The following PLEKHA8 variants were observed in gnomAD, a reference collection of about 807,000 sequenced individuals.
The protein encoded by PLEKHA8 is pleckstrin homology domain containing A8, also known as pleckstrin homology domain-containing family A member 8.
In PLEKHA8, 36 loss-of-function variants were observed where a neutral mutation model predicts 68.2. The observed-to-expected ratio is 0.53, with a 90% CI of 0.40 to 0.70. PLEKHA8 has a LOEUF of 0.70. PLEKHA8 is among the 30% of genes least tolerant of loss of function. The probability of loss-of-function intolerance (pLI) is 0.00; values close to 1 mark genes in which losing one functional copy is unlikely to be tolerated. For missense variants in PLEKHA8, 505 were observed against 615.4 expected (o/e 0.82, Z 1.90); for synonymous variants, 211 against 216.1 (o/e 0.98, Z 0.20).
At chr7:30,071,042 A>C (rs999410607) in intron 12 of PLEKHA8, among the ~76,000 whole-genome samples, 5 of 152,200 alleles carry the variant, frequency 3.3e-5, no homozygotes, top group African/African-American at 1.2e-4. Flanking sequence ...GTACAGGGGG[A>C]AAAAACTAGC....
intron 13 of PLEKHA8, among the ~76,000 whole-genome samples, chr7:30,105,561 C>G (rs572972752): frequency 6.6e-6 from 1 of 152,192 alleles, no homozygotes; most frequent in African/African-American, 2.4e-5. Flanking sequence ...ATAGCCAGAT[C>G]AAAACAGCAA....
At chr7:30,098,773 G>A (rs144074360) in intron 13 of PLEKHA8, among the ~76,000 whole-genome samples, 63 of 152,350 alleles carry the variant, frequency 4.1e-4, no homozygotes, top group Admixed American at 1.0e-3. Flanking sequence ...TGACCCTTGC[G>A]CTTCCTGGGT....
chr7:30,079,896 T>C lies in PLEKHA8; in HGVS notation c.*1109T>C. The C allele has an allele frequency of 4.1e-5, 40 of 976,334 alleles. No homozygotes were observed. Among genetic ancestry groups the C allele is most frequent in the Non-Finnish European group, 4.9e-5 (40 of 822,130 alleles). 60.5% of individuals were successfully genotyped at this position (976,334 alleles called of 1,614,324 possible). ...TTTTCTTCAAGAACTAAATGATATG[T>C]CCTTTTTTTTTTTTTCAAAGAGGAT... On this transcript the variant is annotated 3_prime_UTR_variant, in exon 14 of 14. Coordinates refer to ENST00000449726, the MANE Select transcript of PLEKHA8 (RefSeq NM_001197026.2).
intron 13 of PLEKHA8, among the ~76,000 whole-genome samples, chr7:30,102,153 C>T (rs1321185062): frequency 6.6e-6 from 1 of 152,108 alleles, no homozygotes; most frequent in East Asian, 1.9e-4. Context: ...CTAAAGAAGA[C>T]ATACAGATGG....
chr7:30,090,270 CA>C, exon 13 of PLEKHA8: 1 of 1,440,562 alleles, frequency 6.9e-7, no homozygotes, highest in Non-Finnish European at 9.4e-7. Context: ...CAAGGGACCT[CA>C]AACTTCCTTT....
chr7:30,058,443 GT>G (rs1170152873), intron 9 of PLEKHA8, among the ~76,000 whole-genome samples: 1 of 146,238 alleles, frequency 6.8e-6, no homozygotes, highest in Non-Finnish European at 1.5e-5. Flanking sequence ...TATTTTTTGT[GT>G]GTGGTGTGAG....
At chr7:30,091,271 T>G (rs946692976), downstream of PLEKHA8, among the ~76,000 whole-genome samples, 1 of 151,806 alleles carries the variant, frequency 6.6e-6, no homozygotes, top group African/African-American at 2.4e-5. Context: ...TTTTTTTTTT[T>G]GTACTTTACT....
At chr7:30,099,745 G>A (rs938033254) in intron 13 of PLEKHA8, among the ~76,000 whole-genome samples, 1 of 152,208 alleles carries the variant, frequency 6.6e-6, no homozygotes, top group Admixed American at 6.5e-5. Flanking sequence ...GAAATGGAGA[G>A]TGGCAGCAGG....
Position 30,081,048 on chromosome 7 carries a change from C to T in PLEKHA8, c.*2261C>T, listed in dbSNP as rs1387779669. 3 of 985,188 alleles carry T rather than the reference C, an allele frequency of 3.0e-6. No individual in the cohort carries two copies. The highest frequency in any genetic ancestry group is 3.6e-6 in the Non-Finnish European group (3 of 829,930). 61.0% of individuals were successfully genotyped at this position (985,188 alleles called of 1,614,324 possible). A position where few individuals can be genotyped will look rare whatever the true frequency, so the allele number is the denominator to read the frequency against. On this transcript the variant is annotated 3_prime_UTR_variant, in exon 14 of 14. Transcript: ENST00000449726. ...ATACCTCAGGTTTGCCACCGCAACT[C>T]TGAATACACACAAAAGGAAAGCTGC...
intron 13 of PLEKHA8, among the ~76,000 whole-genome samples, chr7:30,106,382 C>T (rs1583474547): frequency 6.6e-6 from 1 of 152,026 alleles, no homozygotes; most frequent in Non-Finnish European, 1.5e-5. Context: ...GTCTTTAAAC[C>T]ATCTGGAAGT....
intron 12 of PLEKHA8, among the ~76,000 whole-genome samples, chr7:30,063,375 C>G (rs185631743): frequency 6.6e-6 from 1 of 152,200 alleles, no homozygotes; most frequent in East Asian, 1.9e-4. Context: ...TTTATCAGAC[C>G]AGTTTTGGAA....
At chr7:30,108,076 A>AC (rs1562553379) in intron 13 of PLEKHA8, among the ~76,000 whole-genome samples, 1 of 149,986 alleles carries the variant, frequency 6.7e-6, no homozygotes, top group Non-Finnish European at 1.5e-5. Flanking sequence ...TCAAAAAAAA[A>AC]AAAAAAAAAA....
chr7:30,048,186 A>G (rs191868658), intron 4 of PLEKHA8, among the ~76,000 whole-genome samples: 144 of 152,310 alleles, frequency 9.5e-4, no homozygotes, highest in African/African-American at 3.2e-3. Context: ...AAGAGAAGCA[A>G]TAGTACATTT....
chr7:30,060,898 A>G lies in PLEKHA8; in HGVS notation c.1054A>G (p.Thr352Ala). 6.2e-7 allele frequency: 1 copy of G among 1,613,304 alleles called. No homozygotes were observed. The highest frequency in any genetic ancestry group is 1.3e-5 in the African/African-American group (1 of 75,018). The change falls in exon 10 of 14, where the codon ACA (threonine) becomes GCA (alanine). Residue 352 changes from threonine to alanine, a missense_variant. Coordinates refer to ENST00000449726, the MANE Select transcript of PLEKHA8 (RefSeq NM_001197026.2). ...VVPVLDKLGPTVFAPVKMDLV... is the reference protein window; with the variant it reads ...VVPVLDKLGPAVFAPVKMDLV... Reference sequence around the variant, plus strand: ...TTTTCTTCTAGACAAACTTGGCCCTACAGTGTTTGCTCCTGTTAAGATGGA... The same window carrying G: ...TTTTCTTCTAGACAAACTTGGCCCTGCAGTGTTTGCTCCTGTTAAGATGGA...
At chr7:30,100,359 T>G (rs143364789) in intron 13 of PLEKHA8, among the ~76,000 whole-genome samples, 3 of 152,254 alleles carry the variant, frequency 2.0e-5, no homozygotes, top group Non-Finnish European at 4.4e-5. Flanking sequence ...AAGACCAGCC[T>G]GGCCAACATG....
chr7:30,045,790 T>C (rs879868751), intron 2 of PLEKHA8, among the ~76,000 whole-genome samples: 20 of 152,282 alleles, frequency 1.3e-4, no homozygotes, highest in Non-Finnish European at 2.2e-4. Flanking sequence ...AAGTAGAAGA[T>C]GGAAAAGATT....
chr7:30,036,322 AGATAGATG>A (rs1791072573), intron 1 of PLEKHA8, among the ~76,000 whole-genome samples: 1 of 152,096 alleles, frequency 6.6e-6, no homozygotes, highest in Non-Finnish European at 1.5e-5. Flanking sequence ...TGTCTCAGAT[AGATAGATG>A]GATAGATGGG....
Position 30,046,257 on chromosome 7 carries a change from C to G in PLEKHA8, c.205C>G (p.Gln69Glu), listed in dbSNP as rs1366861748. 18 of 1,613,764 alleles carry G rather than the reference C, an allele frequency of 1.1e-5. No homozygotes were observed. Among genetic ancestry groups the G allele is most frequent in the Non-Finnish European group, 1.4e-5 (17 of 1,179,806 alleles). The change falls in exon 3 of 14, where the codon CAG becomes GAG. Residue 69 changes from glutamine (Q) to glutamate (E), a missense_variant. Coordinates refer to ENST00000449726, the MANE Select transcript of PLEKHA8 (RefSeq NM_001197026.2). ...CATGGACCTGATAATCCCTGGGGAA[C>G]AGTATTTCTACCTGAAGGCCAGAAG... ...TRMDLIIPGE[Q>E]YFYLKARSVA...
chr7:30,056,950 T>C (rs1237213804), intron 9 of PLEKHA8, among the ~76,000 whole-genome samples: 1 of 147,812 alleles, frequency 6.8e-6, no homozygotes. Flanking sequence ...TATTTATATA[T>C]ATAAAAAAGT....
Sources: gnomAD v4.1 joint callset for allele counts (sites outside exome capture counted in the v4.1 genomes callset) on GRCh38, gnomAD v4.1.1 for gene constraint, MANE v1.5 for transcripts, NCBI Gene and HGNC (gene_info 2026-07-23, HGNC 2026-07-21) for gene names.